ARHGEF12: variants seen among roughly 807,000 people sequenced by gnomAD.
The protein encoded by ARHGEF12 is KMT2A/ARHGEF12 fusion protein.
In ARHGEF12, 66 loss-of-function variants were observed where a neutral mutation model predicts 211.2. That is an observed-to-expected ratio of 0.31 (90% CI 0.26 to 0.38). The LOEUF (loss-of-function observed/expected upper bound fraction) is 0.38, where lower values mean the gene tolerates loss of function less well. Among genes scored for constraint, ARHGEF12 ranks in the 10% least tolerant of loss-of-function variants. ARHGEF12 has a pLI of 1.00. For synonymous variants in ARHGEF12, 592 were observed against 638.4 expected (o/e 0.93, Z 1.09); for missense variants, 1,429 against 1,869.5 (o/e 0.76, Z 4.34).
At chr11:120,401,684 T>A (rs1268402407) in intron 1 of ARHGEF12, among the ~76,000 whole-genome samples, 1 of 152,194 alleles carries the variant, frequency 6.6e-6, no homozygotes, top group East Asian at 1.9e-4. Flanking sequence ...AAAATCACTT[T>A]CCCTGCTTGC....
At chr11:120,371,590 A>G (rs1943590581) in intron 1 of ARHGEF12, among the ~76,000 whole-genome samples, 1 of 152,226 alleles carries the variant, frequency 6.6e-6, no homozygotes, top group Non-Finnish European at 1.5e-5. Context: ...CTAAAAAAGG[A>G]TGTGAAATGG....
At chr11:120,439,922 T>G (rs1945820638) in intron 12 of ARHGEF12, 2 of 495,514 alleles carry the variant, frequency 4.0e-6, no homozygotes, top group African/African-American at 2.0e-5. Context: ...AAAAACTCGT[T>G]GTTGTGGTCT....
chr11:120,456,982 C>G, intron 22 of ARHGEF12, 136 bp from the exon 23 acceptor site: 1 of 709,198 alleles, frequency 1.4e-6, no homozygotes, highest in Non-Finnish European at 2.2e-6. Flanking sequence ...ATTTTTAGTT[C>G]TAGTGAACCT....
chr11:120,487,672 A>C lies in ARHGEF12; in HGVS notation c.*2595A>C, dbSNP rs192855785. On this transcript the variant is annotated 3_prime_UTR_variant, in exon 41 of 41. Transcript: ENST00000397843. ...AAGGGCACAGGGGTGGTGTACAAAG[A>C]AAGCTACCTTCCCAGAGCAAGCAGG... is the stretch of plus-strand genomic sequence containing the variant. The C allele has an allele frequency of 2.7e-5, 6 of 218,356 alleles. No homozygotes were observed. Among genetic ancestry groups the C allele is most frequent in the Admixed American group, 1.7e-4 (3 of 17,282 alleles). The allele number at this position is 218,356 out of a possible 1,614,324, so 13.5% of individuals were successfully genotyped here. A position where few individuals can be genotyped will look rare whatever the true frequency, so the allele number is the denominator to read the frequency against.
At chr11:120,355,937 C>T (rs1264030643) in intron 1 of ARHGEF12, among the ~76,000 whole-genome samples, 2 of 152,134 alleles carry the variant, frequency 1.3e-5, no homozygotes, top group African/African-American at 4.8e-5. Flanking sequence ...AACATTCAGG[C>T]ATTCAAGGCC....
At chr11:120,452,482 A>C (rs1946240608) in intron 22 of ARHGEF12, among the ~76,000 whole-genome samples, 1 of 152,154 alleles carries the variant, frequency 6.6e-6, no homozygotes, top group African/African-American at 2.4e-5. Context: ...GGTGCCATAG[A>C]GGAGGCTACT....
intron 4 of ARHGEF12, among the ~76,000 whole-genome samples, chr11:120,412,972 T>C (rs1406591421): frequency 6.6e-6 from 1 of 152,236 alleles, no homozygotes; most frequent in Non-Finnish European, 1.5e-5. Context: ...TAGACTATTA[T>C]AATAGATTCG....
In ARHGEF12 at chr11:120,451,647, A is replaced by G. The variant is rs1591610183; in HGVS notation, c.1979A>G (p.Tyr660Cys). The G allele has an allele frequency of 6.2e-7, 1 of 1,614,074 alleles. No individual in the cohort carries two copies. Residue 660 changes from tyrosine to cysteine, a missense_variant, in exon 22 of 41, where the codon TAC (tyrosine) becomes TGC (cysteine). This residue lies in a region of ARHGEF12 where 373 missense variants were observed against 467.5 expected (regional missense o/e 0.80). Coordinates refer to ENST00000397843, the MANE Select transcript of ARHGEF12 (RefSeq NM_015313.3). ...GCAAATGAAGGAACAGACGCTGGAT[A>G]CCTGCCTGCCAATTCCATGTCTTCT... ...GLANEGTDAG[Y>C]LPANSMSSVA...
At chr11:120,415,836 A>G (rs369769366) in intron 4 of ARHGEF12, among the ~76,000 whole-genome samples, 1 of 152,338 alleles carries the variant, frequency 6.6e-6, no homozygotes, top group African/African-American at 2.4e-5. Flanking sequence ...TGTATGTGTA[A>G]CACTTTTTAT....
intron 4 of ARHGEF12, chr11:120,411,298 AT>A (rs1944873525): frequency 6.6e-6 from 1 of 152,120 alleles, no homozygotes; most frequent in Non-Finnish European, 1.5e-5. Flanking sequence ...GCTAACGTAA[AT>A]CTCTTTGACA....
rs748074116 is a variant in ARHGEF12, at chr11:120,437,355, A to G, written c.972A>G (p.Pro324=). Residue 324 remains proline (P), a synonymous_variant, in exon 12 of 41, where the codon CCA becomes CCG. Coordinates refer to ENST00000397843, the MANE Select transcript of ARHGEF12 (RefSeq NM_015313.3). ...PKERIYLEEN[P]EKSETIQDTD... ...AGAGAATTTATCTAGAGGAAAACCCAGAGAAAAGTGAAACAATTCAGGACA... is the reference window on the plus strand; with the variant it reads ...AGAGAATTTATCTAGAGGAAAACCCGGAGAAAAGTGAAACAATTCAGGACA... The G allele has an allele frequency of 1.2e-4, 196 of 1,613,094 alleles. No individual in the cohort carries two copies. Among genetic ancestry groups the G allele is most frequent in the Non-Finnish European group, 5.9e-6 (7 of 1,179,592 alleles).
intron 1 of ARHGEF12, among the ~76,000 whole-genome samples, chr11:120,371,911 C>CT (rs1433236923): frequency 6.6e-6 from 1 of 152,210 alleles, no homozygotes; most frequent in African/African-American, 2.4e-5. Flanking sequence ...TGAAAGAGCA[C>CT]TTTTTCAAAT....
At chr11:120,455,598 CA>C (rs1169924498) in intron 22 of ARHGEF12, among the ~76,000 whole-genome samples, 1 of 152,076 alleles carries the variant, frequency 6.6e-6, no homozygotes, top group African/African-American at 2.4e-5. Flanking sequence ...ATTCTAGCAA[CA>C]TGAGAGGAAA....
intron 1 of ARHGEF12, among the ~76,000 whole-genome samples, chr11:120,397,367 C>G (rs1031944063): frequency 6.6e-5 from 10 of 152,140 alleles, no homozygotes; most frequent in African/African-American, 2.2e-4. Flanking sequence ...TTCTGTTTAC[C>G]TAGTACCCAC....
At chr11:120,459,007 A>G (rs1946443708) in intron 25 of ARHGEF12, 167 bp from the exon 26 acceptor site, 2 of 530,712 alleles carry the variant, frequency 3.8e-6, no homozygotes, top group Non-Finnish European at 5.7e-6. Flanking sequence ...GCCAGTATGT[A>G]GGAAAATTTC....
chr11:120,347,204 C>CTTTCTTTCTTTCTTTCTTTCTTTCTT, intron 1 of ARHGEF12, among the ~76,000 whole-genome samples: 1 of 60,416 alleles, frequency 1.7e-5, no homozygotes, highest in South Asian at 4.5e-4. Flanking sequence ...TTCTTTCTTT[C>CTTTCTTTCTTTCTTTCTTTCTTTCTT]TCTTTCTTTT....
At chr11:120,379,842 T>G in intron 1 of ARHGEF12, among the ~76,000 whole-genome samples, 1 of 152,146 alleles carries the variant, frequency 6.6e-6, no homozygotes, top group East Asian at 1.9e-4. Flanking sequence ...TCTTTTTATT[T>G]ATTGATAGAT....
At chr11:120,475,559 A>G (rs369254341) in intron 33 of ARHGEF12, 52 bp downstream of exon 33, 189 of 1,577,596 alleles carry the variant, frequency 1.2e-4, no homozygotes, top group Non-Finnish European at 1.6e-4. Flanking sequence ...GTGAAGTTGC[A>G]TAAGATACTC....
intron 21 of ARHGEF12, chr11:120,450,135 C>G (rs907064007): frequency 5.3e-5 from 8 of 152,152 alleles, no homozygotes; most frequent in Non-Finnish European, 7.3e-5. Context: ...CTTTGCAAGG[C>G]CAAGGCGGGA....
Sources: gnomAD v4.1 joint callset for allele counts (sites outside exome capture counted in the v4.1 genomes callset) on GRCh38, gnomAD v4.1.1 for gene constraint, gnomAD v4.1.1 regional missense constraint, MANE v1.5 for transcripts, NCBI Gene and HGNC (gene_info 2026-07-23, HGNC 2026-07-21) for gene names.